The following GPATCH3 variants were observed in gnomAD, a reference collection of about 807,000 sequenced individuals.
GPATCH3 encodes G-patch domain containing 3.
A neutral mutation model predicts 53.2 loss-of-function variants in GPATCH3; 45 were observed. That is an observed-to-expected ratio of 0.85 (90% CI 0.67 to 1.08). GPATCH3 has a LOEUF of 1.08. GPATCH3 is among the 50% of genes least tolerant of loss of function. The pLI is 0.00. For missense variants in GPATCH3, 680 were observed against 687.2 expected, an observed-to-expected ratio of 0.99 and a Z score of 0.12; for synonymous variants, 280 against 270.6, an observed-to-expected ratio of 1.03 and a Z score of -0.34.
chr1:26,893,429 G>T lies in GPATCH3; in HGVS notation c.1071C>A (p.Ala357=). The T allele has an allele frequency of 6.2e-7, 1 of 1,613,232 alleles. No homozygotes were observed. The highest frequency in any genetic ancestry group is 1.1e-5 in the South Asian group (1 of 91,062). The change falls in exon 4 of 7, where the codon GCC becomes GCA. Residue 357 remains alanine, a synonymous_variant. Transcript: ENST00000361720. ...EEEGDFDEQT[A]DDWDVDMSVY... The stretch of plus-strand genomic sequence containing the variant: ...CACTCATGTCCACATCCCAGTCATC[G>T]GCTGTCTGTTCATCAAAATCTGTAG...
chr1:26,898,598 A>G (rs886591795), intron 1 of GPATCH3, among the ~76,000 whole-genome samples: 51 of 148,766 alleles, frequency 3.4e-4, no homozygotes, highest in Non-Finnish European at 6.4e-4. Context: ...ACCAACTCCC[A>G]CCTCCTGCAT....
In GPATCH3 at chr1:26,894,243, T is replaced by C. The variant is rs751632076; in HGVS notation, c.1044A>G (p.Glu348=). The change falls in exon 3 of 7, where the codon GAA becomes GAG. Residue 348 remains glutamate (E), a synonymous_variant. Transcript: ENST00000361720. ...FYTDAQFWQE[E]EGDFDEQTAD... is the part of the protein sequence containing the mutation. ...CCTGGGTACCAGCATTACCTCCTTC[T>C]TCCTCCTGCCAGAACTGGGCATCAG... The C allele has an allele frequency of 6.2e-7, 1 of 1,613,932 alleles. No individual in the cohort carries two copies. Among genetic ancestry groups the C allele is most frequent in the Non-Finnish European group, 8.5e-7 (1 of 1,179,918 alleles).
At chr1:26,895,643 C>T (rs1375536242) in intron 2 of GPATCH3, among the ~76,000 whole-genome samples, 1 of 140,588 alleles carries the variant, frequency 7.1e-6, no homozygotes, top group Non-Finnish European at 1.6e-5. Context: ...TGGCTGGGAG[C>T]TTTTTTTTTT....
intron 2 of GPATCH3, among the ~76,000 whole-genome samples, chr1:26,896,451 G>A (rs1269313459): frequency 6.6e-6 from 1 of 151,434 alleles, no homozygotes; most frequent in Non-Finnish European, 1.5e-5. Context: ...CAGCACTTTG[G>A]CAGGCCGAGG....
At chr1:26,892,172 T>C (rs1467557264) in intron 6 of GPATCH3, among the ~76,000 whole-genome samples, 2 of 152,092 alleles carry the variant, frequency 1.3e-5, no homozygotes, top group Non-Finnish European at 2.9e-5. Flanking sequence ...GACAGTCTCA[T>C]ATGTTGCCCG....
At chr1:26,897,221 A>C (rs2081954830) in intron 2 of GPATCH3, 80 bp downstream of exon 2, 3 of 1,369,788 alleles carry the variant, frequency 2.2e-6, no homozygotes, top group Non-Finnish European at 3.0e-6. Context: ...CCCTTGTAAT[A>C]GACAATTGAA....
Position 26,892,692 on chromosome 1 carries a change from C to T in GPATCH3, c.1211G>A (p.Gly404Asp). Residue 404 changes from glycine (G) to aspartate (D), a missense_variant, in exon 5 of 7, where the codon GGC becomes GAC. By Grantham distance (94) the Gly-to-Asp change is moderately conservative (BLOSUM62 -1). Coordinates refer to ENST00000361720, the MANE Select transcript of GPATCH3 (RefSeq NM_022078.3). ...CACCTTGGTGTGGCGCTCAAAGGTG[C>T]CCACCTGGCGTTCGATCACAGAGCC... ...EDGSVIERQV[G>D]TFERHTKGIG... 6.2e-7 allele frequency: 1 copy of T among 1,614,144 alleles called. No individual in the cohort carries two copies. The highest frequency in any genetic ancestry group is 8.5e-7 in the Non-Finnish European group (1 of 1,180,012).
Position 26,897,460 on chromosome 1 carries a change from A to G in GPATCH3, c.717T>C (p.Tyr239=). 6.2e-7 allele frequency: 1 copy of G among 1,614,188 alleles called. No homozygotes were observed. The highest frequency in any genetic ancestry group is 1.1e-5 in the South Asian group (1 of 91,088). ...CCTGCTCCACAGTCTCTGAGTCCTC[A>G]TACTCAAAAGGCACATTGCCGTAGC... The part of the protein sequence containing the change: ...SRRYGNVPFE[Y]EDSETVEQEE... The change falls in exon 2 of 7, where the codon TAT becomes TAC. Residue 239 remains tyrosine (Y), a synonymous_variant. Transcript: ENST00000361720.
In GPATCH3 at chr1:26,891,208, T is replaced by C. The variant is rs35647061; in HGVS notation, c.1380A>G (p.Leu460=). Residue 460 remains leucine (L), a synonymous_variant, in exon 7 of 7, where the codon CTA becomes CTG. Coordinates refer to ENST00000361720, the MANE Select transcript of GPATCH3 (RefSeq NM_022078.3). ...GCCTCTTCAGTTGCCCAAATGGCTG[T>C]AGCTTCTCTCCATGGTACCTGGATA... ...KRGLGYHGEK[L]QPFGQLKRPR... 4,160 of 1,613,314 alleles carry C rather than the reference T, an allele frequency of 2.6e-3. 7 individuals carry two copies. Among genetic ancestry groups the C allele is most frequent in the Non-Finnish European group, 3.1e-3 (3,696 of 1,179,576 alleles).
Position 26,897,449 on chromosome 1 carries a change from T to TCTGAGTC in GPATCH3, c.721_727dup (p.Glu243GlyfsTer17). ...CACAAGCTCTTCCTGCTCCACAGTC[T>TCTGAGTC]CTGAGTCCTCATACTCAAAAGGCAC... On this transcript the variant is annotated frameshift_variant, in exon 2 of 7. Coordinates refer to ENST00000361720, the MANE Select transcript of GPATCH3 (RefSeq NM_022078.3). LOFTEE classifies it high-confidence loss of function. 6.2e-7 allele frequency: 1 copy of TCTGAGTC among 1,614,222 alleles called. No individual in the cohort carries two copies. The highest frequency in any genetic ancestry group is 1.1e-5 in the South Asian group (1 of 91,082).
chr1:26,898,235 G>C (rs571455556), intron 1 of GPATCH3, among the ~76,000 whole-genome samples: 2 of 152,156 alleles, frequency 1.3e-5, no homozygotes, highest in Non-Finnish European at 2.9e-5. Flanking sequence ...CGGAACTACA[G>C]AACTACCTAG....
chr1:26,891,065 A>C lies in GPATCH3; in HGVS notation c.1523T>G (p.Met508Arg). 2 of 1,614,164 alleles carry C rather than the reference A, an allele frequency of 1.2e-6. No individual in the cohort carries two copies. Among genetic ancestry groups the C allele is most frequent in the South Asian group, 2.2e-5 (2 of 91,070 alleles). The change falls in exon 7 of 7, where the codon ATG (methionine) becomes AGG (arginine). Residue 508 changes from methionine to arginine, a missense_variant. Physicochemically the swap from Met to Arg is moderately conservative, Grantham distance 91. Transcript: ENST00000361720. ...ACAACTGGAACCCCTCACAAAGGCC[A>C]TGTCTGTCCGAAACTTCATGCTGGT... ...PPTSMKFRTDMAFVRGSSCAS... is the reference protein window; with the variant it reads ...PPTSMKFRTDRAFVRGSSCAS...
chr1:26,898,857 G>A (rs546620222), intron 1 of GPATCH3, among the ~76,000 whole-genome samples: 4 of 151,904 alleles, frequency 2.6e-5, no homozygotes, highest in African/African-American at 9.7e-5. Flanking sequence ...TAGAGACAGG[G>A]TTTCACCATG....
Position 26,900,030 on chromosome 1 carries a change from C to T in GPATCH3, c.413G>A (p.Cys138Tyr), listed in dbSNP as rs777702838. Residue 138 changes from cysteine to tyrosine, a missense_variant, in exon 1 of 7, where the codon TGT becomes TAT. Transcript: ENST00000361720. ...DSHGTWLPGR[C>Y]LIRRLRLPTE... is the part of the protein sequence containing the mutation. ...AGGTAGCCGAAGTCTGCGGATGAGACAGCGACCCGGTAGCCAAGTCCCGTG... is the reference window on the plus strand; with the variant it reads ...AGGTAGCCGAAGTCTGCGGATGAGATAGCGACCCGGTAGCCAAGTCCCGTG... The T allele has an allele frequency of 2.5e-6, 4 of 1,614,072 alleles. No individual in the cohort carries two copies. The highest frequency in any genetic ancestry group is 3.4e-6 in the Non-Finnish European group (4 of 1,180,048).
chr1:26,899,236 T>C (rs1480625213), intron 1 of GPATCH3, among the ~76,000 whole-genome samples: 2 of 152,218 alleles, frequency 1.3e-5, no homozygotes, highest in African/African-American at 2.4e-5. Flanking sequence ...TAACTAACTC[T>C]GTAACCTCAG....
chr1:26,891,066 T>C lies in GPATCH3; in HGVS notation c.1522A>G (p.Met508Val). 1.2e-6 allele frequency: 2 copies of C among 1,614,154 alleles called. No individual in the cohort carries two copies. The highest frequency in any genetic ancestry group is 1.7e-6 in the Non-Finnish European group (2 of 1,180,028). Reference sequence around the variant, plus strand: ...CAACTGGAACCCCTCACAAAGGCCATGTCTGTCCGAAACTTCATGCTGGTG... The same window carrying C: ...CAACTGGAACCCCTCACAAAGGCCACGTCTGTCCGAAACTTCATGCTGGTG... ...PPTSMKFRTD[M>V]AFVRGSSCAS... Residue 508 changes from methionine (M) to valine (V), a missense_variant, in exon 7 of 7, where the codon ATG (methionine) becomes GTG (valine). Physicochemically the swap from Met to Val is conservative, Grantham distance 21. Transcript: ENST00000361720.
intron 2 of GPATCH3, 122 bp downstream of exon 2, chr1:26,897,179 T>C (rs2081954723): frequency 1.1e-6 from 1 of 874,258 alleles, no homozygotes; most frequent in Non-Finnish European, 1.8e-6. Context: ...CTTGGACTCC[T>C]TGGAACCCTC....
At position 26,893,446 on chromosome 1, in the gene GPATCH3, A is replaced by T. The variant is rs777902814; in HGVS notation, c.1054T>A (p.Phe352Ile). 1.3e-5 allele frequency: 21 copies of T among 1,612,450 alleles called. No homozygotes were observed. Among genetic ancestry groups the T allele is most frequent in the Non-Finnish European group, 1.8e-5 (21 of 1,178,618 alleles). Residue 352 changes from phenylalanine to isoleucine, a missense_variant and splice_region_variant, in exon 4 of 7, where the codon TTT becomes ATT. By Grantham distance (21) the Phe-to-Ile change is conservative (BLOSUM62 0). Transcript: ENST00000361720. ...AQFWQEEEGD[F>I]DEQTADDWDV... ...CAGTCATCGGCTGTCTGTTCATCAA[A>T]ATCTGTAGGGACAGAAAAGCATCCA... is the stretch of plus-strand genomic sequence containing the variant.
chr1:26,895,522 T>TAAA (rs763002456), intron 2 of GPATCH3, among the ~76,000 whole-genome samples: 57 of 84,430 alleles, frequency 6.8e-4, no homozygotes, highest in South Asian at 2.3e-3. Flanking sequence ...AGAGCCTGCT[T>TAAA]AAAAAAAAAA....
Sources: allele counts gnomAD v4.1 joint callset (sites outside exome capture counted in the v4.1 genomes callset), GRCh38; gene constraint gnomAD v4.1.1; transcripts MANE v1.5; gene names NCBI Gene and HGNC (gene_info 2026-07-23, HGNC 2026-07-21).